The following KIF24 variants were observed in gnomAD, a reference collection of about 807,000 sequenced individuals.
KIF24 encodes kinesin family member 24, also known as kinesin-like protein KIF24.
Under a neutral mutation model 118.9 loss-of-function variants are expected in KIF24, and 81 were observed. The ratio of observed to expected loss-of-function variants is 0.68; its 90% CI spans 0.57 to 0.82. KIF24 has a LOEUF of 0.82. KIF24 is among the 40% of genes least tolerant of loss of function. The pLI, the probability that KIF24 is intolerant of heterozygous loss-of-function variation, is 0.00. For missense variants in KIF24, 1,560 were observed against 1,661.6 expected (o/e 0.94, Z 1.06); for synonymous variants, 599 against 610.0 (o/e 0.98, Z 0.27).
chr9:34,275,907 C>T (rs765789579), intron 6 of KIF24, among the ~76,000 whole-genome samples: 143 of 152,282 alleles, frequency 9.4e-4, no homozygotes, highest in Non-Finnish European at 5.3e-4. Flanking sequence ...ATTATCTCCA[C>T]CTAACAACCT....
chr9:34,302,030 T>C (rs1007719971), intron 3 of KIF24, among the ~76,000 whole-genome samples: 1 of 146,784 alleles, frequency 6.8e-6, no homozygotes, highest in African/African-American at 2.5e-5. Flanking sequence ...AGTCTCACTC[T>C]GTCGCCCAGG....
chr9:34,310,690 T>G, intron 2 of KIF24, 34 bp downstream of exon 2: 1 of 1,531,342 alleles, frequency 6.5e-7, no homozygotes, highest in Non-Finnish European at 8.8e-7. Flanking sequence ...TGAGGCTACT[T>G]TCCCTCAAAA....
chr9:34,328,279 C>G (rs1008244611), intron 1 of KIF24, among the ~76,000 whole-genome samples: 1 of 152,142 alleles, frequency 6.6e-6, no homozygotes, highest in Admixed American at 6.5e-5. Flanking sequence ...AAAACATTTT[C>G]CAAAGCACAC....
intron 8 of KIF24, among the ~76,000 whole-genome samples, chr9:34,263,762 G>A (rs1362568365): frequency 7.3e-6 from 1 of 136,438 alleles, no homozygotes. Flanking sequence ...TTGTAGAGAT[G>A]GGGGTCTCTG....
intron 1 of KIF24, among the ~76,000 whole-genome samples, chr9:34,324,601 G>A (rs979139797): frequency 1.3e-5 from 2 of 152,162 alleles, no homozygotes; most frequent in African/African-American, 4.8e-5. Flanking sequence ...TGTAGAGCCA[G>A]ATCACTCTTT....
At chr9:34,305,109 G>A (rs1836862411) in intron 3 of KIF24, among the ~76,000 whole-genome samples, 1 of 152,094 alleles carries the variant, frequency 6.6e-6, no homozygotes, top group Non-Finnish European at 1.5e-5. Context: ...TCCATCTGTG[G>A]AGTTTGCTGT....
Position 34,253,644 on chromosome 9 carries a change from A to AT in KIF24, c.*735_*736insA, listed in dbSNP as rs1247655690. 6.6e-6 allele frequency: 1 copy of AT among 152,280 alleles called. No individual in the cohort carries two copies. The highest frequency in any genetic ancestry group is 2.4e-5 in the African/African-American group (1 of 41,448). The allele number at this position is 152,280 out of a possible 1,614,324, so 9.4% of individuals were successfully genotyped here. A position where few individuals can be genotyped will look rare whatever the true frequency, so the allele number is the denominator to read the frequency against. ...AGCATGAGAGTATCGGGCATTGTAC[A>AT]GAGGCCTTTCACCCGAGCAAAAGTC... On this transcript the variant is annotated 3_prime_UTR_variant, in exon 13 of 13. Transcript: ENST00000402558.
chr9:34,318,369 G>C lies in KIF24; in HGVS notation c.-25-6998C>G. On this transcript the variant is annotated intron_variant, in intron 1 of 12. Transcript: ENST00000402558. The surrounding 1 kb of genome is among the most constrained non-coding windows in gnomAD (Gnocchi z 4.9). ...AACCCAGCTTGACCTAGCCCTGACA[G>C]GTCCATCGTGGTGCACGCAAACCAC... 1.0e-5 allele frequency: 5 copies of C among 481,668 alleles called. No individual in the cohort carries two copies. The highest frequency in any genetic ancestry group is 5.4e-5 in the East Asian group (1 of 18,420). The allele number at this position is 481,668 out of a possible 1,614,324, so 29.8% of individuals were successfully genotyped here.
intron 6 of KIF24, among the ~76,000 whole-genome samples, chr9:34,277,020 G>C (rs1835681483): frequency 6.6e-6 from 1 of 152,190 alleles, no homozygotes; most frequent in South Asian, 2.1e-4. Flanking sequence ...GGGATGCGAT[G>C]CTGATGGATC....
upstream of KIF24, among the ~76,000 whole-genome samples, chr9:34,331,241 C>T (rs1016799464): frequency 2.0e-5 from 3 of 152,124 alleles, no homozygotes; most frequent in African/African-American, 7.2e-5. Flanking sequence ...GATGAAAAGT[C>T]ATTTCTTTAA....
In KIF24 at chr9:34,256,159, G is replaced by C; in HGVS notation, c.3448C>G (p.Leu1150Val). 1 of 1,606,116 alleles carries C rather than the reference G, an allele frequency of 6.2e-7. No homozygotes were observed. ...ADKLPSREAD[L>V]GEACQSRETV... ...TCTCTGCTCTGGCAGGCCTCTCCTA[G>C]GTCTGCCTCCCTGCTGGGCAGCTTG... Residue 1150 changes from leucine (L) to valine (V), a missense_variant, in exon 11 of 13, where the codon CTA becomes GTA. Around this residue, in one of 3 missense-constraint regions of KIF24, gnomAD observed 591 missense variants for 655.6 expected, o/e 0.90. Coordinates refer to ENST00000402558, the MANE Select transcript of KIF24 (RefSeq NM_194313.4).
chr9:34,325,033 T>A (rs983297047), intron 1 of KIF24, among the ~76,000 whole-genome samples: 12 of 152,146 alleles, frequency 7.9e-5, no homozygotes, highest in Non-Finnish European at 1.5e-5. Flanking sequence ...GTATAATTTC[T>A]TTGTGGTCAA....
Position 34,257,283 on chromosome 9 carries a change from G to A in KIF24, c.2324C>T (p.Pro775Leu). The A allele has an allele frequency of 6.2e-7, 1 of 1,614,032 alleles. No individual in the cohort carries two copies. Among genetic ancestry groups the A allele is most frequent in the Non-Finnish European group, 8.5e-7 (1 of 1,179,894 alleles). ...GTATTTTAACTTCTGTTGGAGGAGA[G>A]GTGGCTGTTGGAACTGCTGGTGATA... Reference protein sequence around the residue: ...RFYHQQFQQPPLLQQKLKYQP... With the variant: ...RFYHQQFQQPLLLQQKLKYQP... Residue 775 changes from proline (P) to leucine (L), a missense_variant, in exon 11 of 13, where the codon CCT becomes CTT. Pro to Leu is a moderately conservative substitution (Grantham distance 98, BLOSUM62 -3). Around this residue, in one of 3 missense-constraint regions of KIF24, gnomAD observed 964 missense variants for 988.0 expected, o/e 0.98. Transcript: ENST00000402558.
At chr9:34,261,190 T>G (rs545041456) in intron 9 of KIF24, among the ~76,000 whole-genome samples, 1 of 152,190 alleles carries the variant, frequency 6.6e-6, no homozygotes, top group Non-Finnish European at 1.5e-5. Context: ...ACTCTGCCCA[T>G]GTGCGGGGCT....
chr9:34,255,110 A>G lies in KIF24; in HGVS notation c.3928T>C (p.Phe1310Leu). 2 of 1,595,650 alleles carry G rather than the reference A, an allele frequency of 1.3e-6. No homozygotes were observed. The highest frequency in any genetic ancestry group is 1.7e-6 in the Non-Finnish European group (2 of 1,170,854). ...TGGCTCATCAGCGTCTCCTCCTTGA[A>G]GCCGAGCTCAGCCATTTCATCCAGC... ...EQLDEMAELG[F>L]KEETLMSQLA... The change falls in exon 12 of 13, where the codon TTC (phenylalanine) becomes CTC (leucine). Residue 1310 changes from phenylalanine (F) to leucine (L), a missense_variant. Coordinates refer to ENST00000402558, the MANE Select transcript of KIF24 (RefSeq NM_194313.4).
chr9:34,299,854 G>A (rs866112744), intron 3 of KIF24, among the ~76,000 whole-genome samples: 9 of 150,210 alleles, frequency 6.0e-5, no homozygotes, highest in African/African-American at 2.2e-4. Context: ...GTGTATAGTT[G>A]GTCTAATATG....
At chr9:34,275,053 T>G (rs562691539) in intron 6 of KIF24, among the ~76,000 whole-genome samples, 1 of 152,154 alleles carries the variant, frequency 6.6e-6, no homozygotes, top group African/African-American at 2.4e-5. Flanking sequence ...AAAGAAATAA[T>G]GAATAAGACC....
intron 1 of KIF24, among the ~76,000 whole-genome samples, chr9:34,314,446 A>G (rs982793912): frequency 6.6e-6 from 1 of 152,106 alleles, no homozygotes; most frequent in African/African-American, 2.4e-5. Flanking sequence ...GGTTACAGGC[A>G]TGAGCCACCA....
At chr9:34,277,315 G>A (rs928550858) in intron 6 of KIF24, among the ~76,000 whole-genome samples, 1 of 152,096 alleles carries the variant, frequency 6.6e-6, no homozygotes, top group African/African-American at 2.4e-5. Context: ...ACACAGAGAA[G>A]CTAAGTGACT....
Sources: gnomAD v4.1 joint callset for allele counts (sites outside exome capture counted in the v4.1 genomes callset) on GRCh38, gnomAD v4.1.1 for gene constraint, gnomAD v4.1.1 regional missense constraint, Gnocchi (gnomAD v3.1) non-coding constraint, MANE v1.5 for transcripts, NCBI Gene and HGNC (gene_info 2026-07-23, HGNC 2026-07-21) for gene names.